The following NRDC variants were observed in gnomAD, a reference collection of about 807,000 sequenced individuals.
The protein encoded by NRDC is nardilysin convertase.
Under a neutral mutation model 147.1 loss-of-function variants are expected in NRDC, and 54 were observed. The ratio of observed to expected loss-of-function variants is 0.37; its 90% CI spans 0.29 to 0.46. The LOEUF (loss-of-function observed/expected upper bound fraction) is 0.46. NRDC is among the 20% of genes least tolerant of loss of function. NRDC has a pLI of 1.00. For synonymous variants in NRDC, 440 were observed against 482.1 expected (o/e 0.91, Z 1.14); for missense variants, 1,082 against 1,370.6 (o/e 0.79, Z 3.33).
chr1:51,833,949 A>T, intron 4 of NRDC, 68 bp downstream of exon 4: 1 of 1,365,412 alleles, frequency 7.3e-7, no homozygotes, highest in Non-Finnish European at 1.0e-6. Flanking sequence ...ACTGTACAAG[A>T]ACACTCTATT....
At chr1:51,792,203 G>A (rs935316170) in intron 25 of NRDC, 105 bp from the exon 26 acceptor site, 27 of 1,485,964 alleles carry the variant, frequency 1.8e-5, no homozygotes, top group Non-Finnish European at 2.4e-5. Context: ...GCCTCCCTTA[G>A]TGCCTTTTTC....
intron 14 of NRDC, among the ~76,000 whole-genome samples, chr1:51,812,430 AGGT>A (rs1324197508): frequency 6.6e-6 from 1 of 152,108 alleles, no homozygotes; most frequent in Admixed American, 6.6e-5. Flanking sequence ...TGGGGAGCTG[AGGT>A]GGGAGGGATG....
chr1:51,866,940 T>C (rs942629772), intron 1 of NRDC, among the ~76,000 whole-genome samples: 2 of 152,170 alleles, frequency 1.3e-5, no homozygotes, highest in Non-Finnish European at 2.9e-5. Flanking sequence ...CTGTAAGGTT[T>C]TGTTTCTATA....
At chr1:51,838,141 G>A (rs74782387) in intron 2 of NRDC, among the ~76,000 whole-genome samples, 173 of 152,130 alleles carry the variant, frequency 1.1e-3, no homozygotes, top group African/African-American at 4.0e-3. Context: ...AACTACTTAG[G>A]TTCCACTGTC....
intron 14 of NRDC, among the ~76,000 whole-genome samples, chr1:51,813,263 G>A (rs564112018): frequency 4.6e-5 from 7 of 152,160 alleles, no homozygotes; most frequent in African/African-American, 9.7e-5. Flanking sequence ...CCAGAGGAAC[G>A]TAGTCAATTC....
chr1:51,815,182 CTT>C (rs869244434), intron 11 of NRDC, among the ~76,000 whole-genome samples: 3 of 125,550 alleles, frequency 2.4e-5, no homozygotes, highest in Middle Eastern at 4.0e-3. Flanking sequence ...ACCTTTTTTT[CTT>C]TTTTTTTTTT....
At chr1:51,795,042 C>T (rs1678833080) in intron 22 of NRDC, 188 bp from the exon 23 acceptor site, 2 of 1,464,474 alleles carry the variant, frequency 1.4e-6, no homozygotes, top group Non-Finnish European at 1.8e-6. Flanking sequence ...TTGTGGAACA[C>T]TAAGCAGCTC....
intron 1 of NRDC, among the ~76,000 whole-genome samples, chr1:51,853,334 G>A (rs1457796694): frequency 6.6e-6 from 1 of 151,856 alleles, no homozygotes; most frequent in Non-Finnish European, 1.5e-5. Context: ...TATATAAAAG[G>A]CTTACTTGAT....
chr1:51,844,159 C>T (rs530856129), intron 1 of NRDC, among the ~76,000 whole-genome samples: 2 of 152,054 alleles, frequency 1.3e-5, no homozygotes, highest in Non-Finnish European at 2.9e-5. Context: ...CATCCCCCGA[C>T]GCCCCAACAC....
intron 1 of NRDC, among the ~76,000 whole-genome samples, chr1:51,845,868 A>C (rs181932561): frequency 6.6e-6 from 1 of 152,320 alleles, no homozygotes. Flanking sequence ...AATAAACAAA[A>C]GAATGTTAAC....
chr1:51,813,095 A>G (rs761665672), intron 14 of NRDC, among the ~76,000 whole-genome samples: 1 of 152,186 alleles, frequency 6.6e-6, no homozygotes, highest in Non-Finnish European at 1.5e-5. Context: ...TGGGCAACAC[A>G]GCAAGACCCT....
At chr1:51,840,962 C>T (rs1681240264) in intron 1 of NRDC, among the ~76,000 whole-genome samples, 1 of 152,150 alleles carries the variant, frequency 6.6e-6, no homozygotes, top group African/African-American at 2.4e-5. Context: ...AAAGCAAAAT[C>T]ACACAAAATT....
intron 1 of NRDC, among the ~76,000 whole-genome samples, chr1:51,855,213 T>TA (rs1267494598): frequency 1.3e-5 from 2 of 152,190 alleles, no homozygotes; most frequent in Non-Finnish European, 2.9e-5. Flanking sequence ...CCACTGCCTT[T>TA]AAAAACCCTT....
chr1:51,861,750 CT>C (rs1432013254), intron 1 of NRDC, among the ~76,000 whole-genome samples: 1 of 152,122 alleles, frequency 6.6e-6, no homozygotes, highest in Non-Finnish European at 1.5e-5. Context: ...AGAAATATAC[CT>C]GAAGTTTTTA....
chr1:51,878,353 T>A lies in NRDC; in HGVS notation c.263A>T (p.Glu88Val). The A allele has an allele frequency of 6.2e-7, 1 of 1,614,146 alleles. No individual in the cohort carries two copies. Among genetic ancestry groups the A allele is most frequent in the Non-Finnish European group, 8.5e-7 (1 of 1,180,022 alleles). Residue 88 changes from glutamate to valine, a missense_variant, in exon 1 of 31, where the codon GAA becomes GTA. Physicochemically the swap from Glu to Val is moderately radical, Grantham distance 121. Transcript: ENST00000352171. ...ACTGAGAGACCCCCTCCGTCCCTCT[T>A]CCTCAGATTCATCCGCTCCTAGACG... Reference protein sequence around the residue: ...VARLGADESEEEGRRGSLSNA... With the variant: ...VARLGADESEVEGRRGSLSNA...
chr1:51,846,753 A>G (rs375452469), intron 1 of NRDC, among the ~76,000 whole-genome samples: 1 of 152,196 alleles, frequency 6.6e-6, no homozygotes, highest in African/African-American at 2.4e-5. Context: ...TCACCCCAGG[A>G]GCCTGCAGCC....
chr1:51,852,939 C>T (rs1682046880), intron 1 of NRDC, among the ~76,000 whole-genome samples: 1 of 151,946 alleles, frequency 6.6e-6, no homozygotes, highest in African/African-American at 2.4e-5. Flanking sequence ...TAAAAGAATT[C>T]CTGGCCAGGC....
At position 51,800,576 on chromosome 1, in the gene NRDC, G is replaced by A. The variant is rs1237359213; in HGVS notation, c.2421C>T (p.Ile807=). The change falls in exon 21 of 31, where the codon ATC becomes ATT. Residue 807 remains isoleucine, a synonymous_variant. Transcript: ENST00000352171. The part of the protein sequence containing the change: ...QLKKTYFNIL[I]KPETLAKDVR... Reference sequence around the variant, plus strand: ...CCCACTTGGCCAAAGTCTCGGGCTTGATGAGGATGTTAAAGTAGGTCTTCT... The same window carrying A: ...CCCACTTGGCCAAAGTCTCGGGCTTAATGAGGATGTTAAAGTAGGTCTTCT... 3 of 1,613,988 alleles carry A rather than the reference G, an allele frequency of 1.9e-6. No individual in the cohort carries two copies. Among genetic ancestry groups the A allele is most frequent in the Non-Finnish European group, 1.7e-6 (2 of 1,179,912 alleles).
At chr1:51,803,712 T>A in intron 20 of NRDC, 102 bp downstream of exon 20, 1 of 884,174 alleles carries the variant, frequency 1.1e-6, no homozygotes, top group African/African-American at 1.7e-5. Flanking sequence ...TAATCCACAT[T>A]AATAAACATT....
Sources: gnomAD v4.1 joint callset for allele counts (sites outside exome capture counted in the v4.1 genomes callset) on GRCh38, gnomAD v4.1.1 for gene constraint, MANE v1.5 for transcripts, NCBI Gene and HGNC (gene_info 2026-07-23, HGNC 2026-07-21) for gene names.